NINJ2: variants seen among roughly 807,000 people sequenced by gnomAD.
The protein encoded by NINJ2 is ninjurin 2, also known as ninjurin-2.
A neutral mutation model predicts 11.7 loss-of-function variants in NINJ2; 12 were observed. The ratio of observed to expected loss-of-function variants is 1.02; its 90% CI spans 0.66 to 1.66. NINJ2 has a LOEUF of 1.66. NINJ2 is among the 40% of genes most tolerant of loss of function. The pLI is 0.00. For missense variants in NINJ2, 187 were observed against 181.8 expected, an observed-to-expected ratio of 1.03 and a Z score of -0.16; for synonymous variants, 93 against 76.8, an observed-to-expected ratio of 1.21 and a Z score of -1.10.
At chr12:655,594 A>G (rs911181467) in intron 1 of NINJ2, among the ~76,000 whole-genome samples, 3 of 152,000 alleles carry the variant, frequency 2.0e-5, no homozygotes, top group Admixed American at 2.0e-4. Flanking sequence ...AAACTACAAA[A>G]CTGATTAAAT....
intron 1 of NINJ2, among the ~76,000 whole-genome samples, chr12:566,649 G>A (rs1947304694): frequency 6.6e-6 from 1 of 152,216 alleles, no homozygotes; most frequent in Non-Finnish European, 1.5e-5. Context: ...CCCCAAGGCA[G>A]GGTGCACAGC....
intron 1 of NINJ2, among the ~76,000 whole-genome samples, chr12:572,110 C>T (rs1019293552): frequency 2.6e-5 from 4 of 152,220 alleles, no homozygotes; most frequent in African/African-American, 9.7e-5. Context: ...TTATCATCTG[C>T]GAGGTCGAAG....
At chr12:611,876 T>A (rs1385933517) in intron 1 of NINJ2, among the ~76,000 whole-genome samples, 1 of 152,252 alleles carries the variant, frequency 6.6e-6, no homozygotes, top group African/African-American at 2.4e-5. Flanking sequence ...AATATCTATT[T>A]GACCTTCTTG....
Position 591,437 on chromosome 12 carries a change from A to G in NINJ2, c.34-25259T>C, listed in dbSNP as rs1947713781. Among the ~76,000 whole-genome samples, 1 of 152,118 alleles carries G rather than the reference A, an allele frequency of 6.6e-6. No homozygotes were observed. Among genetic ancestry groups the G allele is most frequent in the Admixed American group, 6.5e-5 (1 of 15,288 alleles). ...CAACCTGGGGCTGTGCGCTCTCCTG[A>G]TGCAAGGTCCTTTCTGCTAGTCATG... is the stretch of plus-strand genomic sequence containing the variant. On this transcript the variant is annotated intron_variant, in intron 1 of 3. Coordinates refer to ENST00000305108, the MANE Select transcript of NINJ2 (RefSeq NM_016533.6). This position sits in a 1 kb window ranked among gnomAD's most constrained non-coding sequence, Gnocchi z 5.0.
chr12:607,294 C>T (rs1303036789), intron 1 of NINJ2, among the ~76,000 whole-genome samples: 3 of 151,872 alleles, frequency 2.0e-5, no homozygotes, highest in Non-Finnish European at 2.9e-5. Context: ...GGTAGGGTGG[C>T]GAGCATATTA....
intron 1 of NINJ2, among the ~76,000 whole-genome samples, chr12:659,183 C>T (rs987038744): frequency 1.3e-5 from 2 of 152,020 alleles, no homozygotes; most frequent in East Asian, 1.9e-4. Flanking sequence ...GTTTTTACCT[C>T]CACTCCCATC....
chr12:597,572 T>A (rs185388714), intron 1 of NINJ2, among the ~76,000 whole-genome samples: 33 of 152,342 alleles, frequency 2.2e-4, no homozygotes, highest in African/African-American at 7.7e-4. Context: ...ATATTATTCA[T>A]GTTACATAAA....
chr12:648,743 A>C (rs1234278448), intron 1 of NINJ2, among the ~76,000 whole-genome samples: 1 of 152,224 alleles, frequency 6.6e-6, no homozygotes, highest in Admixed American at 6.5e-5. Context: ...TTCAGGGTCC[A>C]TCATGATCTG....
intron 1 of NINJ2, among the ~76,000 whole-genome samples, chr12:641,758 T>C (rs904887627): frequency 6.7e-6 from 1 of 149,232 alleles, no homozygotes; most frequent in African/African-American, 2.5e-5. Context: ...GGGAGGAGAA[T>C]TGCTTGAACC....
At chr12:626,951 A>C (rs1266904588) in intron 1 of NINJ2, among the ~76,000 whole-genome samples, 3 of 152,074 alleles carry the variant, frequency 2.0e-5, no homozygotes, top group African/African-American at 7.2e-5. Context: ...CAGGTGTGGT[A>C]AGACATGCCT....
intron 1 of NINJ2, among the ~76,000 whole-genome samples, chr12:659,587 G>C (rs1256939887): frequency 6.6e-6 from 1 of 152,206 alleles, no homozygotes; most frequent in Non-Finnish European, 1.5e-5. Flanking sequence ...CCATAGAACA[G>C]AAGGAGCAGC....
intron 1 of NINJ2, among the ~76,000 whole-genome samples, chr12:637,941 G>A (rs1244550934): frequency 6.6e-6 from 1 of 152,162 alleles, no homozygotes; most frequent in African/African-American, 2.4e-5. Flanking sequence ...AAAGGATTAA[G>A]GACCTCAAAA....
chr12:601,550 A>G (rs77993139), intron 1 of NINJ2, among the ~76,000 whole-genome samples: 4 of 146,566 alleles, frequency 2.7e-5, no homozygotes, highest in Non-Finnish European at 6.0e-5. Context: ...CTCCGTCTCA[A>G]AAAAAAAAAA....
chr12:623,906 C>T (rs1009394244), intron 1 of NINJ2, among the ~76,000 whole-genome samples: 3 of 152,124 alleles, frequency 2.0e-5, no homozygotes, highest in African/African-American at 7.2e-5. Flanking sequence ...TGGTTGTGCA[C>T]ACGCCTGTAG....
At chr12:587,879 T>C (rs370724100) in intron 1 of NINJ2, among the ~76,000 whole-genome samples, 1 of 152,240 alleles carries the variant, frequency 6.6e-6, no homozygotes, top group African/African-American at 2.4e-5. Flanking sequence ...ACCTCTCACC[T>C]GATCACTATC....
chr12:587,138 C>T (rs1947650048), intron 1 of NINJ2, among the ~76,000 whole-genome samples: 1 of 152,202 alleles, frequency 6.6e-6, no homozygotes, highest in South Asian at 2.1e-4. Context: ...TCCTGTGGAG[C>T]ATCTCTGCCA....
In NINJ2 at chr12:640,648, C is replaced by T. The variant is rs1948406664; in HGVS notation, c.33+22680G>A. On this transcript the variant is annotated intron_variant, in intron 1 of 3. Transcript: ENST00000305108. The surrounding 1 kb of genome is among the most constrained non-coding windows in gnomAD (Gnocchi z 4.0). The stretch of plus-strand genomic sequence containing the variant: ...CAAGTGAGTCTCGTGCCTCAGCATC[C>T]CAAGTAGGGCTAATATCTGTATTTT... 6.6e-6 allele frequency among the ~76,000 whole-genome samples: 1 copy of T among 152,048 alleles called. No individual in the cohort carries two copies. The highest frequency in any genetic ancestry group is 1.5e-5 in the Non-Finnish European group (1 of 68,020).
chr12:600,965 T>C (rs1187680785), intron 1 of NINJ2, among the ~76,000 whole-genome samples: 1 of 152,246 alleles, frequency 6.6e-6, no homozygotes, highest in African/African-American at 2.4e-5. Flanking sequence ...GAAATCTATC[T>C]GAACTCTCAA....
intron 1 of NINJ2, among the ~76,000 whole-genome samples, chr12:588,022 C>A (rs73038111): frequency 0.33 from 50,378 of 152,062 alleles, 8,582 homozygotes; most frequent in Admixed American, 0.41. Flanking sequence ...TTAGGCATGA[C>A]ACGACAGCCA....
Sources: allele counts gnomAD v4.1 joint callset (sites outside exome capture counted in the v4.1 genomes callset), GRCh38; gene constraint gnomAD v4.1.1; non-coding constraint Gnocchi (gnomAD v3.1); transcripts MANE v1.5; gene names NCBI Gene and HGNC (gene_info 2026-07-23, HGNC 2026-07-21).